The following CDH7 variants were observed in gnomAD, a reference collection of about 807,000 sequenced individuals.
CDH7 encodes the protein cadherin-7.
In CDH7, 25 loss-of-function variants were observed where a neutral mutation model predicts 71.8. The ratio of observed to expected loss-of-function variants is 0.35; its 90% CI spans 0.25 to 0.49. The LOEUF (loss-of-function observed/expected upper bound fraction) is 0.49, where lower values mean the gene tolerates loss of function less well. Ranked by LOEUF, CDH7 falls within the 20% of genes least tolerant of loss-of-function variation. The probability of loss-of-function intolerance (pLI) is 0.99; values close to 1 mark genes in which losing one functional copy is unlikely to be tolerated. For missense variants in CDH7, 862 were observed against 974.6 expected, an observed-to-expected ratio of 0.88 and a Z score of 1.54; for synonymous variants, 381 against 363.8, an observed-to-expected ratio of 1.05 and a Z score of -0.54.
intron 2 of CDH7, among the ~76,000 whole-genome samples, chr18:65,767,529 A>G (rs976090170): frequency 2.0e-5 from 3 of 152,226 alleles, no homozygotes; most frequent in Admixed American, 2.0e-4. Context: ...AAAGACAAAC[A>G]GGAAAAGTGT....
chr18:65,768,224 T>TG (rs568656169), intron 2 of CDH7, among the ~76,000 whole-genome samples: 33 of 151,324 alleles, frequency 2.2e-4, no homozygotes, highest in Non-Finnish European at 3.5e-4. Context: ...GCGTTGTTGT[T>TG]TTTTTTTTTT....
intron 7 of CDH7, among the ~76,000 whole-genome samples, chr18:65,848,693 A>G (rs1425976987): frequency 6.6e-6 from 1 of 152,220 alleles, no homozygotes; most frequent in Non-Finnish European, 1.5e-5. Flanking sequence ...ATGGCCAATG[A>G]AATAGAACAT....
chr18:65,771,777 T>G (rs1013236719), intron 2 of CDH7, among the ~76,000 whole-genome samples: 1 of 152,028 alleles, frequency 6.6e-6, no homozygotes, highest in Admixed American at 6.6e-5. Context: ...GCCAAGAGCC[T>G]GAGAATTACC....
intron 6 of CDH7, among the ~76,000 whole-genome samples, chr18:65,838,373 A>G (rs1219542679): frequency 2.0e-5 from 3 of 152,238 alleles, no homozygotes; most frequent in Non-Finnish European, 4.4e-5. Context: ...TACAAAATAT[A>G]CTTTCATTTG....
Position 65,774,717 on chromosome 18 carries a change from G to A in CDH7, c.210+11665G>A, listed in dbSNP as rs976045584. Among the ~76,000 whole-genome samples, 11 of 152,078 alleles carry A rather than the reference G, an allele frequency of 7.2e-5. No individual in the cohort carries two copies. The South Asian group carries it at 1.0e-3, about 14-fold the overall frequency. ...GGATAGTCTAGTCCAGTGGAAAGATGTGGGGCCTGGGAGAAAGAGAGGTCT... is the reference window on the plus strand; with the variant it reads ...GGATAGTCTAGTCCAGTGGAAAGATATGGGGCCTGGGAGAAAGAGAGGTCT... On this transcript the variant is annotated intron_variant, in intron 2 of 11. Coordinates refer to ENST00000397968, the MANE Select transcript of CDH7 (RefSeq NM_004361.5).
Position 65,889,813 on chromosome 18 carries a change from A to G in CDH7, c.*8919A>G, listed in dbSNP as rs557675494. The G allele has an allele frequency of 3.3e-5, 5 of 152,372 alleles. No homozygotes were observed. The South Asian group carries it at 1.0e-3, about 32-fold the overall frequency. 9.4% of individuals were successfully genotyped at this position (152,372 alleles called of 1,614,324 possible). ...TGCAATAAATTAGCTAGTCTGCCAC[A>G]TAGAGAAAAAAAGATAATCTGCAAG... On this transcript the variant is annotated 3_prime_UTR_variant, in exon 12 of 12. Coordinates refer to ENST00000397968, the MANE Select transcript of CDH7 (RefSeq NM_004361.5).
rs1599075670 is a variant in CDH7 at position 65,887,414 on chromosome 18, C to T, written c.*6520C>T. ...TATATCTCCTAATTCTATCCCTCCC[C>T]CCTCCCCCTACCCCACAACAGTCCC... On this transcript the variant is annotated 3_prime_UTR_variant, in exon 12 of 12. Transcript: ENST00000397968. The T allele has an allele frequency of 7.1e-6, 1 of 140,010 alleles. No individual in the cohort carries two copies. The highest frequency in any genetic ancestry group is 7.4e-5 in the Admixed American group (1 of 13,578). The allele number at this position is 140,010 out of a possible 1,614,324, so 8.7% of individuals were successfully genotyped here. A position where few individuals can be genotyped will look rare whatever the true frequency, so the allele number is the denominator to read the frequency against.
At chr18:65,864,999 CT>C (rs1203164768) in intron 11 of CDH7, among the ~76,000 whole-genome samples, 5 of 150,916 alleles carry the variant, frequency 3.3e-5, no homozygotes, top group African/African-American at 1.2e-4. Context: ...GTGTGGAAGA[CT>C]TTTTAAGTTT....
Position 65,884,948 on chromosome 18 carries a change from G to A in CDH7, c.*4054G>A, listed in dbSNP as rs1914329848. ...TATTTTTTAACTCTTTCTGGTCCACGATGCCTGGAGGCAAGTGAAATATAT... is the reference window on the plus strand; with the variant it reads ...TATTTTTTAACTCTTTCTGGTCCACAATGCCTGGAGGCAAGTGAAATATAT... On this transcript the variant is annotated 3_prime_UTR_variant, in exon 12 of 12. Transcript: ENST00000397968. The A allele has an allele frequency of 6.6e-6, 1 of 152,116 alleles. No homozygotes were observed. Among genetic ancestry groups the A allele is most frequent in the South Asian group, 2.1e-4 (1 of 4,836 alleles). 9.4% of individuals were successfully genotyped at this position (152,116 alleles called of 1,614,324 possible).
intron 7 of CDH7, among the ~76,000 whole-genome samples, chr18:65,849,353 T>C (rs866989700): frequency 2.9e-4 from 3 of 10,468 alleles, no homozygotes; most frequent in African/African-American, 1.4e-3. Context: ...TCTTTTCTTT[T>C]CTTTTCTTTT....
At chr18:65,834,551 G>A (rs749250816) in intron 6 of CDH7, among the ~76,000 whole-genome samples, 23 of 152,134 alleles carry the variant, frequency 1.5e-4, no homozygotes, top group Non-Finnish European at 2.5e-4. Flanking sequence ...GATATTTTAA[G>A]ACGGGTTAAA....
intron 10 of CDH7, among the ~76,000 whole-genome samples, chr18:65,861,124 G>C (rs967026924): frequency 6.6e-6 from 1 of 152,108 alleles, no homozygotes; most frequent in Non-Finnish European, 1.5e-5. Flanking sequence ...TAAAATGTCA[G>C]CATTTATAGG....
chr18:65,864,520 A>G (rs1913690849), intron 11 of CDH7, among the ~76,000 whole-genome samples: 1 of 151,900 alleles, frequency 6.6e-6, no homozygotes, highest in Non-Finnish European at 1.5e-5. Flanking sequence ...TTTGGAATCT[A>G]AAACTTAATA....
intron 6 of CDH7, among the ~76,000 whole-genome samples, chr18:65,831,366 G>A (rs1384571714): frequency 2.0e-5 from 3 of 152,036 alleles, no homozygotes; most frequent in Admixed American, 6.6e-5. Context: ...CGATCTGCTG[G>A]CCCAACAAAG....
chr18:65,757,778 C>CATATAT (rs34101205), intron 1 of CDH7, among the ~76,000 whole-genome samples: 1 of 142,026 alleles, frequency 7.0e-6, no homozygotes, highest in Admixed American at 6.9e-5. Flanking sequence ...ACTGTATATC[C>CATATAT]ATATATATAT....
At chr18:65,852,309 G>A (rs180733861) in intron 7 of CDH7, among the ~76,000 whole-genome samples, 8 of 152,202 alleles carry the variant, frequency 5.3e-5, no homozygotes, top group African/African-American at 9.6e-5. Context: ...GTCCAGTATC[G>A]AAATAACCTC....
intron 7 of CDH7, among the ~76,000 whole-genome samples, chr18:65,844,966 T>C (rs1912885376): frequency 1.3e-5 from 2 of 152,052 alleles, no homozygotes; most frequent in South Asian, 4.1e-4. Context: ...AATTAGAAAC[T>C]ATCCACAGAC....
At chr18:65,807,791 A>G (rs947781342) in intron 2 of CDH7, among the ~76,000 whole-genome samples, 1 of 152,212 alleles carries the variant, frequency 6.6e-6, no homozygotes, top group African/African-American at 2.4e-5. Flanking sequence ...AACCCTTCTC[A>G]TAAGTCATAA....
At chr18:65,753,989 GTAAA>G (rs1915958195) in intron 1 of CDH7, among the ~76,000 whole-genome samples, 1 of 152,112 alleles carries the variant, frequency 6.6e-6, no homozygotes, top group Admixed American at 6.5e-5. Context: ...GTGGCCCAAG[GTAAA>G]TACAAGGGCA....
Sources: gnomAD v4.1 joint callset for allele counts (sites outside exome capture counted in the v4.1 genomes callset) on GRCh38, gnomAD v4.1.1 for gene constraint, MANE v1.5 for transcripts, NCBI Gene and HGNC (gene_info 2026-07-23, HGNC 2026-07-21) for gene names.